MAPK8IP2: variants seen among roughly 807,000 people sequenced by gnomAD.
The protein encoded by MAPK8IP2 is mitogen-activated protein kinase 8 interacting protein 2, also known as C-Jun-amino-terminal kinase-interacting protein 2.
A neutral mutation model predicts 75.6 loss-of-function variants in MAPK8IP2; 15 were observed. The ratio of observed to expected loss-of-function variants is 0.20; its 90% CI spans 0.13 to 0.31. MAPK8IP2 has a LOEUF of 0.31. Ranked by LOEUF, MAPK8IP2 falls within the 10% of genes least tolerant of loss-of-function variation. The pLI is 1.00. For missense variants in MAPK8IP2, 1,089 were observed against 1,211.2 expected (o/e 0.90, Z 1.50); for synonymous variants, 632 against 554.5 (o/e 1.14, Z -1.96).
At chr22:50,601,435 C>G (rs935986550) in intron 1 of MAPK8IP2, 103 of 252,524 alleles carry the variant, frequency 4.1e-4, no homozygotes, top group African/African-American at 2.0e-3. Context: ...GCGACCCCTC[C>G]CCATCTGCCG....
chr22:50,606,887 T>C (rs773807506), intron 9 of MAPK8IP2, 34 bp from the exon 10 acceptor site: 1 of 1,611,214 alleles, frequency 6.2e-7, no homozygotes. Context: ...CAGGCCTCCT[T>C]TGACACAGGG....
chr22:50,605,369 C>T lies in MAPK8IP2; in HGVS notation c.1767C>T (p.Ser589=), dbSNP rs1486202572. The change falls in exon 6 of 12, where the codon AGC becomes AGT. Residue 589 remains serine, a splice_region_variant and synonymous_variant. Coordinates refer to ENST00000329492, the MANE Select transcript of MAPK8IP2 (RefSeq NM_012324.6). Reference sequence around the variant, plus strand: ...CCTCTGTCCTGCCGGGTCTCCCAGGCACCGAGTCCTTTGGCCTTTTCTCCT... The same window carrying T: ...CCTCTGTCCTGCCGGGTCTCCCAGGTACCGAGTCCTTTGGCCTTTTCTCCT... ...VFVNSTSRSS[S]TESFGLFSCL... 5.0e-6 allele frequency: 8 copies of T among 1,613,178 alleles called. No homozygotes were observed. In the East Asian group the frequency reaches 1.6e-4, roughly 31 times the overall value.
At chr22:50,602,378 T>C (rs2070953236) in intron 2 of MAPK8IP2, among the ~76,000 whole-genome samples, 1 of 152,248 alleles carries the variant, frequency 6.6e-6, no homozygotes, top group South Asian at 2.1e-4. Context: ...AGAACATTTC[T>C]GAGCAACTGC....
Position 50,604,147 on chromosome 22 carries a change from G to T in MAPK8IP2, c.848G>T (p.Gly283Val). The change falls in exon 5 of 12, where the codon GGA becomes GTA. Residue 283 changes from glycine (G) to valine (V), a missense_variant. Gly to Val is a moderately radical substitution (Grantham distance 109). This residue lies in a region of MAPK8IP2 where 960 missense variants were observed against 1,009.6 expected (regional missense o/e 0.95). Transcript: ENST00000329492. ...GAGCTGGAGCTGAGCAGCGATGGCGGAAGCAGCAGCAGCGGCCGCTCCTCG... is the reference window on the plus strand; with the variant it reads ...GAGCTGGAGCTGAGCAGCGATGGCGTAAGCAGCAGCAGCGGCCGCTCCTCG... The part of the protein sequence containing the change: ...ETELELSSDG[G>V]SSSSGRSSHL... 1 of 1,555,880 alleles carries T rather than the reference G, an allele frequency of 6.4e-7. No homozygotes were observed. Among genetic ancestry groups the T allele is most frequent in the Non-Finnish European group, 8.6e-7 (1 of 1,159,804 alleles).
Position 50,601,839 on chromosome 22 carries a change from A to C in MAPK8IP2, c.116A>C (p.Glu39Ala), listed in dbSNP as rs1436934045. ...GAATTTGACGACGAAGATCTGTCTG[A>C]GATCACTGATGACTGTGGCCTGGGC... The part of the protein sequence containing the change: ...LEEFDDEDLS[E>A]ITDDCGLGLS... Residue 39 changes from glutamate to alanine, a missense_variant, in exon 2 of 12, where the codon GAG becomes GCG. By Grantham distance (107) the Glu-to-Ala change is moderately radical. Transcript: ENST00000329492. 5 of 1,613,814 alleles carry C rather than the reference A, an allele frequency of 3.1e-6. No homozygotes were observed. The Admixed American group carries it at 5.0e-5, about 16-fold the overall frequency.
chr22:50,610,690 G>A lies in MAPK8IP2; in HGVS notation c.2403-17G>A, dbSNP rs767961479. On this transcript the variant is annotated splice_polypyrimidine_tract_variant and intron_variant, in intron 11 of 11. Transcript: ENST00000329492. This position sits in a 1 kb window ranked among gnomAD's most constrained non-coding sequence, Gnocchi z 4.3. ...GGACCGGCCCTGAGTGGCTGGTGGAGGACCGTCTTTCCCCAGCCGCGCCTT... is the reference window on the plus strand; with the variant it reads ...GGACCGGCCCTGAGTGGCTGGTGGAAGACCGTCTTTCCCCAGCCGCGCCTT... 1 of 1,591,450 alleles carries A rather than the reference G, an allele frequency of 6.3e-7. No individual in the cohort carries two copies. Among genetic ancestry groups the A allele is most frequent in the South Asian group, 1.1e-5 (1 of 88,366 alleles).
Position 50,606,512 on chromosome 22 carries a change from A to G in MAPK8IP2, c.2125-146A>G, listed in dbSNP as rs2071052907. ...AGGAGTGGCCAAGGCCACACCCCTT[A>G]TGTCTTCCAGAATTGCATCTCAGGG... On this transcript the variant is annotated intron_variant, in intron 8 of 11. Coordinates refer to ENST00000329492, the MANE Select transcript of MAPK8IP2 (RefSeq NM_012324.6). The G allele has an allele frequency of 7.4e-6, 5 of 672,214 alleles. 1 individual carries two copies. The Middle Eastern group carries it at 1.2e-3, about 166-fold the overall frequency. 41.6% of individuals were successfully genotyped at this position (672,214 alleles called of 1,614,324 possible).
At position 50,604,969 on chromosome 22, in the gene MAPK8IP2, G is replaced by A. The variant is rs773020824; in HGVS notation, c.1670G>A (p.Gly557Asp). 6.2e-7 allele frequency: 1 copy of A among 1,612,304 alleles called. No individual in the cohort carries two copies. Among genetic ancestry groups the A allele is most frequent in the South Asian group, 1.1e-5 (1 of 91,072 alleles). ...EEAGAALLGG[G>D]QVSGDTSPDS... ...GCGGGCGCGGCGCTGCTAGGCGGCG[G>A]TCAGGTCTCGGGGGACACCTCGCCG... Residue 557 changes from glycine (G) to aspartate (D), a missense_variant, in exon 5 of 12, where the codon GGT (glycine) becomes GAT (aspartate). By Grantham distance (94) the Gly-to-Asp change is moderately conservative. Transcript: ENST00000329492.
At position 50,603,269 on chromosome 22, in the gene MAPK8IP2, CCTTCCAGGATGA is replaced by C; in HGVS notation, c.228_239del (p.Asp76_Gln79del). The C allele has an allele frequency of 6.3e-7, 1 of 1,598,286 alleles. No individual in the cohort carries two copies. The highest frequency in any genetic ancestry group is 1.1e-5 in the South Asian group (1 of 89,158). On this transcript the variant is annotated inframe_deletion, in exon 3 of 12. Transcript: ENST00000329492. ...TCGGAGCAGCCGCACCCCATCTGCT[CCTTCCAGGATGA>C]CTTCCAGGAGTTTGAGATGATCGAT...
intron 1 of MAPK8IP2, 34 bp downstream of exon 1, chr22:50,600,917 T>G: frequency 9.6e-7 from 1 of 1,044,896 alleles, no homozygotes; most frequent in Non-Finnish European, 1.2e-6. Flanking sequence ...GGGCGGACCC[T>G]CCGCTCCCTG....
intron 8 of MAPK8IP2, 115 bp downstream of exon 8, chr22:50,606,049 G>C (rs2071044166): frequency 1.1e-6 from 1 of 887,268 alleles, no homozygotes; most frequent in Non-Finnish European, 1.7e-6. Context: ...TTCCTCCAGG[G>C]AGGGTCTGGG....
At position 50,607,904 on chromosome 22, in the gene MAPK8IP2, G is replaced by A. The variant is rs887440305; in HGVS notation, c.2303+913G>A. 1.3e-5 allele frequency among the ~76,000 whole-genome samples: 2 copies of A among 152,114 alleles called. No individual in the cohort carries two copies. Among genetic ancestry groups the A allele is most frequent in the East Asian group, 3.9e-4 (2 of 5,190 alleles). On this transcript the variant is annotated intron_variant, in intron 10 of 11. Transcript: ENST00000329492. The surrounding 1 kb of genome is among the most constrained non-coding windows in gnomAD (Gnocchi z 5.6). ...TGCTGGCATAGGAGCAGCAGGCCAA[G>A]GGGGGCTGCCAGCTTCCCTCCAGGC...
chr22:50,606,196 C>T (rs187134618), intron 8 of MAPK8IP2, among the ~76,000 whole-genome samples: 4 of 152,308 alleles, frequency 2.6e-5, no homozygotes, highest in South Asian at 4.2e-4. Context: ...CAGGTGGCCC[C>T]GACTGCCATC....
chr22:50,610,433 C>A lies in MAPK8IP2; in HGVS notation c.2402+123C>A. ...GTCTGGGGAAGGAGAACCAGATGTGCTGTGTAGAGAGGGCAGTGGTGGGTG... is the reference window on the plus strand; with the variant it reads ...GTCTGGGGAAGGAGAACCAGATGTGATGTGTAGAGAGGGCAGTGGTGGGTG... On this transcript the variant is annotated intron_variant, in intron 11 of 11. Transcript: ENST00000329492. This position sits in a 1 kb window ranked among gnomAD's most constrained non-coding sequence, Gnocchi z 4.3. 1.1e-6 allele frequency: 1 copy of A among 874,202 alleles called. No homozygotes were observed. The highest frequency in any genetic ancestry group is 1.8e-6 in the Non-Finnish European group (1 of 549,022). 54.2% of individuals were successfully genotyped at this position (874,202 alleles called of 1,614,324 possible).
At chr22:50,601,016 G>A in intron 1 of MAPK8IP2, 133 bp downstream of exon 1, 1 of 169,062 alleles carries the variant, frequency 5.9e-6, no homozygotes, top group Non-Finnish European at 1.1e-5. Context: ...GGCCCCCTGC[G>A]GTCCCTGAGC....
At position 50,605,743 on chromosome 22, in the gene MAPK8IP2, C is replaced by T. The variant is rs1408629833; in HGVS notation, c.2014+9C>T. 8 of 1,605,916 alleles carry T rather than the reference C, an allele frequency of 5.0e-6. No homozygotes were observed. Among genetic ancestry groups the T allele is most frequent in the Non-Finnish European group, 6.8e-6 (8 of 1,176,554 alleles). ...TGCCAAGGACCTGCTGGGTGAGGTCCCAACCCCGAGGGGAGGCTTTTCACC... is the reference window on the plus strand; with the variant it reads ...TGCCAAGGACCTGCTGGGTGAGGTCTCAACCCCGAGGGGAGGCTTTTCACC... On this transcript the variant is annotated intron_variant, in intron 7 of 11. Coordinates refer to ENST00000329492, the MANE Select transcript of MAPK8IP2 (RefSeq NM_012324.6).
In MAPK8IP2 at chr22:50,610,695, G is replaced by GCC; in HGVS notation, c.2403-12_2403-11insCC. On this transcript the variant is annotated splice_polypyrimidine_tract_variant and intron_variant, in intron 11 of 11. Transcript: ENST00000329492. The surrounding 1 kb of genome is among the most constrained non-coding windows in gnomAD (Gnocchi z 4.3). ...GGCCCTGAGTGGCTGGTGGAGGACC[G>GCC]TCTTTCCCCAGCCGCGCCTTCCTGG... 6.3e-7 allele frequency: 1 copy of GCC among 1,593,826 alleles called. No individual in the cohort carries two copies. Among genetic ancestry groups the GCC allele is most frequent in the Non-Finnish European group, 8.5e-7 (1 of 1,172,336 alleles).
In MAPK8IP2 at chr22:50,611,683, C is replaced by T. The variant is rs943988921; in HGVS notation, c.*904C>T. 6.6e-5 allele frequency: 10 copies of T among 152,384 alleles called. No homozygotes were observed. The highest frequency in any genetic ancestry group is 1.9e-4 in the East Asian group (1 of 5,172). 9.4% of individuals were successfully genotyped at this position (152,384 alleles called of 1,614,324 possible). A position where few individuals can be genotyped will look rare whatever the true frequency, so the allele number is the denominator to read the frequency against. On this transcript the variant is annotated 3_prime_UTR_variant, in exon 12 of 12. Transcript: ENST00000329492. This position sits in a 1 kb window ranked among gnomAD's most constrained non-coding sequence, Gnocchi z 5.5. ...CTTTTAGCTCTTTCCGAAATTGTGCCGGGGGTCCCTGCGGTGCTGCTCTGG... is the reference window on the plus strand; with the variant it reads ...CTTTTAGCTCTTTCCGAAATTGTGCTGGGGGTCCCTGCGGTGCTGCTCTGG...
chr22:50,601,179 C>G (rs996722791), intron 1 of MAPK8IP2: 3 of 156,720 alleles, frequency 1.9e-5, no homozygotes, highest in African/African-American at 7.2e-5. Flanking sequence ...TGGGCCGACC[C>G]TCTGCGGGGG....
Sources: allele counts gnomAD v4.1 joint callset (sites outside exome capture counted in the v4.1 genomes callset), GRCh38; gene constraint gnomAD v4.1.1; regional missense constraint gnomAD v4.1.1; non-coding constraint Gnocchi (gnomAD v3.1); transcripts MANE v1.5; gene names NCBI Gene and HGNC (gene_info 2026-07-23, HGNC 2026-07-21).